Variants in ITFG1 observed in about 807,000 individuals in gnomAD.
ITFG1 encodes integrin alpha FG-GAP repeat containing 1.
ITFG1 carries 34 observed loss-of-function variants against 81.8 expected under a neutral mutation model. The observed-to-expected ratio is 0.42, with a 90% confidence interval of 0.32 to 0.55. The LOEUF is 0.55. Ranked by LOEUF, ITFG1 falls within the 20% of genes least tolerant of loss-of-function variation. The pLI, the probability that ITFG1 is intolerant of heterozygous loss-of-function variation, is 0.17. For missense variants in ITFG1, 672 were observed against 755.4 expected (o/e 0.89, Z 1.29); for synonymous variants, 285 against 270.6 (o/e 1.05, Z -0.52).
At chr16:47,288,120 C>G (rs957493019) in intron 10 of ITFG1, among the ~76,000 whole-genome samples, 3 of 152,204 alleles carry the variant, frequency 2.0e-5, no homozygotes, top group Admixed American at 2.0e-4. Context: ...ACAATAACCT[C>G]TATCTTAAGT....
At chr16:47,371,255 G>A (rs1329230895) in intron 7 of ITFG1, among the ~76,000 whole-genome samples, 2 of 152,202 alleles carry the variant, frequency 1.3e-5, no homozygotes, top group Non-Finnish European at 2.9e-5. Context: ...CCTTCTTTAA[G>A]CATTCCTTGA....
intron 14 of ITFG1, among the ~76,000 whole-genome samples, chr16:47,197,352 TCTA>T (rs1965370113): frequency 6.6e-6 from 1 of 152,216 alleles, no homozygotes; most frequent in South Asian, 2.1e-4. Context: ...AGCCTTTCTT[TCTA>T]CTAAGTTTTT....
rs150667226 is a variant in ITFG1 at position 47,347,944 on chromosome 16, C to T, written c.802+17844G>A. Among the ~76,000 whole-genome samples, 583 of 152,330 alleles carry T rather than the reference C, an allele frequency of 3.8e-3. 2 individuals carry two copies. Among genetic ancestry groups the T allele is most frequent in the African/African-American group, 0.014 (570 of 41,562 alleles). ...GCAGCCTCCACTGCTGATACCCAGG[C>T]AAATAGGGTCTGGAGTGGACCTCCA... On this transcript the variant is annotated intron_variant, in intron 8 of 17. Coordinates refer to ENST00000320640, the MANE Select transcript of ITFG1 (RefSeq NM_030790.5).
chr16:47,253,272 T>G (rs1317436816), intron 12 of ITFG1, among the ~76,000 whole-genome samples: 1 of 152,168 alleles, frequency 6.6e-6, no homozygotes, highest in Non-Finnish European at 1.5e-5. Context: ...TAAACATATA[T>G]AAAACTGAAA....
intron 14 of ITFG1, among the ~76,000 whole-genome samples, chr16:47,186,945 C>T (rs1449341876): frequency 6.6e-6 from 1 of 152,150 alleles, no homozygotes; most frequent in Non-Finnish European, 1.5e-5. Flanking sequence ...ACAAAAATCA[C>T]AAGCATTCTT....
intron 6 of ITFG1, among the ~76,000 whole-genome samples, chr16:47,414,669 C>T (rs1002455509): frequency 6.6e-6 from 1 of 152,176 alleles, no homozygotes; most frequent in African/African-American, 2.4e-5. Context: ...CAATTCTATA[C>T]ACAATTCCAT....
At chr16:47,181,439 C>T (rs1198770810) in intron 14 of ITFG1, among the ~76,000 whole-genome samples, 58 of 138,104 alleles carry the variant, frequency 4.2e-4, no homozygotes, top group Admixed American at 2.8e-3. Flanking sequence ...CCGCCCCGTC[C>T]GGGAGGGAGG....
At chr16:47,210,012 C>T (rs111398754) in intron 14 of ITFG1, among the ~76,000 whole-genome samples, 3 of 152,084 alleles carry the variant, frequency 2.0e-5, no homozygotes, top group Non-Finnish European at 4.4e-5. Context: ...TAAACACTCA[C>T]GTGTAGATTT....
chr16:47,297,869 T>G (rs1444913461), intron 10 of ITFG1, among the ~76,000 whole-genome samples: 1 of 152,190 alleles, frequency 6.6e-6, no homozygotes, highest in African/African-American at 2.4e-5. Context: ...TATTTGAATG[T>G]GTAAATCTTT....
chr16:47,206,236 G>C (rs1965498448), intron 14 of ITFG1, among the ~76,000 whole-genome samples: 1 of 152,058 alleles, frequency 6.6e-6, no homozygotes, highest in East Asian at 1.9e-4. Flanking sequence ...GATCTCTCCA[G>C]TTGGATCCAA....
chr16:47,451,653 T>G (rs1969391342), intron 4 of ITFG1, among the ~76,000 whole-genome samples, 183 bp from the exon 5 acceptor site: 1 of 152,156 alleles, frequency 6.6e-6, no homozygotes, highest in African/African-American at 2.4e-5. Context: ...CCAAAGTGTA[T>G]AATTTCTGTT....
At chr16:47,345,696 G>A (rs1330778637) in intron 8 of ITFG1, among the ~76,000 whole-genome samples, 4 of 152,172 alleles carry the variant, frequency 2.6e-5, no homozygotes, top group Non-Finnish European at 5.9e-5. Flanking sequence ...GGTTGGACAA[G>A]GTTGCTGTAG....
chr16:47,263,534 G>T, intron 10 of ITFG1: 1 of 281,808 alleles, frequency 3.5e-6, no homozygotes, highest in East Asian at 1.0e-4. Flanking sequence ...TGCATTTCTT[G>T]GGTGACTGTC....
At chr16:47,415,866 G>T (rs144881975) in intron 6 of ITFG1, among the ~76,000 whole-genome samples, 103 of 152,226 alleles carry the variant, frequency 6.8e-4, no homozygotes, top group Non-Finnish European at 1.3e-3. Flanking sequence ...GGCTGAGGTG[G>T]GCGGATCACC....
intron 5 of ITFG1, among the ~76,000 whole-genome samples, chr16:47,435,428 G>A (rs181354399): frequency 8.5e-4 from 130 of 152,280 alleles, no homozygotes; most frequent in Non-Finnish European, 1.6e-3. Flanking sequence ...CTTGACCTCT[G>A]TAGAAAATTC....
chr16:47,370,919 T>C (rs1968245544), intron 7 of ITFG1, among the ~76,000 whole-genome samples: 1 of 152,194 alleles, frequency 6.6e-6, no homozygotes, highest in African/African-American at 2.4e-5. Flanking sequence ...CTATATATTA[T>C]TGTTAATCGC....
In ITFG1 at chr16:47,349,149, C is replaced by T. The variant is rs193058629; in HGVS notation, c.802+16639G>A. On this transcript the variant is annotated intron_variant, in intron 8 of 17. Transcript: ENST00000320640. Reference sequence around the variant, plus strand: ...CACTGATGCTAGGAAGAAACTGCATCAACTAATGAGCAAAGTTACCAGCTA... The same window carrying T: ...CACTGATGCTAGGAAGAAACTGCATTAACTAATGAGCAAAGTTACCAGCTA... Among the ~76,000 whole-genome samples, 21 of 152,262 alleles carry T rather than the reference C, an allele frequency of 1.4e-4. No homozygotes were observed. In the East Asian group the frequency reaches 2.3e-3, roughly 17 times the overall value.
intron 14 of ITFG1, among the ~76,000 whole-genome samples, chr16:47,184,658 C>G (rs1965185104): frequency 2.0e-5 from 3 of 152,000 alleles, no homozygotes. Context: ...CAACTGGTAC[C>G]AGCCGCTGCA....
intron 10 of ITFG1, among the ~76,000 whole-genome samples, chr16:47,307,093 CAAAAAAAAA>C (rs371103697): frequency 7.9e-4 from 13 of 16,470 alleles, no homozygotes; most frequent in East Asian, 4.9e-3. Context: ...AACTCCGTCT[CAAAAAAAAA>C]AAAAAAAAAA....
Sources: allele counts gnomAD v4.1 joint callset (sites outside exome capture counted in the v4.1 genomes callset), GRCh38; gene constraint gnomAD v4.1.1; transcripts MANE v1.5; gene names NCBI Gene and HGNC (gene_info 2026-07-23, HGNC 2026-07-21).